Variants in EXD3 observed in about 807,000 individuals in gnomAD.
EXD3 encodes the protein exonuclease 3'-5' domain containing 3.
In EXD3, 92 loss-of-function variants were observed where a neutral mutation model predicts 98.0. The observed-to-expected ratio is 0.94, with a 90% CI of 0.79 to 1.12. The LOEUF is 1.12. Among genes scored for constraint, EXD3 ranks in the 50% most tolerant of loss-of-function variants. The pLI, the probability that EXD3 is intolerant of heterozygous loss-of-function variation, is 0.00. For synonymous variants in EXD3, 569 were observed against 526.0 expected, an observed-to-expected ratio of 1.08 and a Z score of -1.12; for missense variants, 1,222 against 1,191.6, an observed-to-expected ratio of 1.03 and a Z score of -0.38.
chr9:137,335,463 G>A (rs1409490331), intron 17 of EXD3, among the ~76,000 whole-genome samples: 1 of 152,056 alleles, frequency 6.6e-6, no homozygotes, highest in Non-Finnish European at 1.5e-5. Context: ...GGCGGATCAC[G>A]AGGTCAGGAG....
At chr9:137,331,955 C>A (rs925621440) in intron 17 of EXD3, among the ~76,000 whole-genome samples, 3 of 152,104 alleles carry the variant, frequency 2.0e-5, no homozygotes, top group East Asian at 1.9e-4. Context: ...GAAAAAAGAA[C>A]TCAATCCTTT....
At chr9:137,387,898 C>T (rs903173773) in intron 2 of EXD3, among the ~76,000 whole-genome samples, 10 of 152,192 alleles carry the variant, frequency 6.6e-5, no homozygotes, top group African/African-American at 1.4e-4. Flanking sequence ...TCCCTGAATT[C>T]GCCAAGTTCA....
In EXD3 at chr9:137,349,103, C is replaced by T. The variant is rs1340458765; in HGVS notation, c.1830+7G>A. 6.3e-7 allele frequency: 1 copy of T among 1,589,888 alleles called. No homozygotes were observed. The highest frequency in any genetic ancestry group is 8.5e-7 in the Non-Finnish European group (1 of 1,173,818). On this transcript the variant is annotated splice_region_variant and intron_variant, in intron 16 of 21. Transcript: ENST00000340951. This position sits in a 1 kb window ranked among gnomAD's most constrained non-coding sequence, Gnocchi z 7.4. ...CTGACAAACGGACCCTGCGGGGCTT[C>T]ACCCACCTGCCTGGGTGCGGCCGGT...
intron 1 of EXD3, among the ~76,000 whole-genome samples, chr9:137,401,109 A>G (rs976015596): frequency 6.7e-6 from 1 of 149,650 alleles, no homozygotes; most frequent in South Asian, 2.1e-4. Flanking sequence ...CCCACTAGGC[A>G]GTGTCCCAGT....
At chr9:137,309,524 G>A (rs1831249712) in intron 20 of EXD3, 83 bp downstream of exon 20, 1 of 1,188,192 alleles carries the variant, frequency 8.4e-7, no homozygotes, top group Non-Finnish European at 1.2e-6. Context: ...TGCTGGACGG[G>A]CCAGGCCCCT....
At chr9:137,312,646 G>C (rs921021357) in intron 19 of EXD3, among the ~76,000 whole-genome samples, 1 of 152,050 alleles carries the variant, frequency 6.6e-6, no homozygotes, top group South Asian at 2.1e-4. Flanking sequence ...CACTGCCCCA[G>C]AGCTGGCCAT....
chr9:137,364,705 T>C (rs1835133828), intron 7 of EXD3, among the ~76,000 whole-genome samples: 1 of 151,940 alleles, frequency 6.6e-6, no homozygotes, highest in Non-Finnish European at 1.5e-5. Context: ...CCGTGTATAT[T>C]TCTTTTCTTC....
In EXD3 at chr9:137,403,366, G is replaced by T. The variant is rs1837562365; in HGVS notation, c.-47-7962C>A. ...CGCACCTGCCAGCCACTGAGTTTGG[G>T]GGCACAGGCAGGGAGCTGCAGACCC... On this transcript the variant is annotated intron_variant, in intron 1 of 21. Transcript: ENST00000340951. This position sits in a 1 kb window ranked among gnomAD's most constrained non-coding sequence, Gnocchi z 6.1. Among the ~76,000 whole-genome samples, 1 of 151,994 alleles carries T rather than the reference G, an allele frequency of 6.6e-6. No individual in the cohort carries two copies.
chr9:137,354,970 C>T (rs537539771), intron 8 of EXD3, among the ~76,000 whole-genome samples, 197 bp from the exon 9 acceptor site: 1 of 152,244 alleles, frequency 6.6e-6, no homozygotes, highest in South Asian at 2.1e-4. Context: ...GTCCCGCCGG[C>T]CCCGGGGTCT....
chr9:137,392,866 G>T (rs532669023), intron 2 of EXD3: 1 of 496,386 alleles, frequency 2.0e-6, no homozygotes, highest in African/African-American at 2.0e-5. Context: ...CACCGAGGCT[G>T]TTCCAGGGAG....
chr9:137,391,331 T>A (rs944249837), intron 2 of EXD3, among the ~76,000 whole-genome samples: 6 of 152,158 alleles, frequency 3.9e-5, no homozygotes, highest in African/African-American at 1.4e-4. Context: ...GAGGAACCCG[T>A]CTGGAGCGTG....
chr9:137,377,727 G>T (rs1835987504), intron 3 of EXD3, among the ~76,000 whole-genome samples: 1 of 149,542 alleles, frequency 6.7e-6, no homozygotes, highest in Admixed American at 6.7e-5. Context: ...TGTCAAAAAA[G>T]AAAGGAAGGG....
intron 2 of EXD3, among the ~76,000 whole-genome samples, chr9:137,386,399 T>A (rs2131732285): frequency 6.6e-6 from 1 of 152,134 alleles, no homozygotes; most frequent in East Asian, 1.9e-4. Context: ...GCCCTCCTAC[T>A]CCCCAGTCAG....
chr9:137,359,164 T>C lies in EXD3; in HGVS notation c.657-2796A>G, dbSNP rs1222529182. Among the ~76,000 whole-genome samples, 5 of 82,480 alleles carry C rather than the reference T, an allele frequency of 6.1e-5. 2 individuals carry two copies. Among genetic ancestry groups the C allele is most frequent in the Non-Finnish European group, 5.9e-5 (2 of 33,868 alleles). 54.1% of individuals were successfully genotyped at this position (82,480 alleles called of 152,430 possible). ...GGTTTCACTGTGTTAGCCAGGATGG[T>C]TTCACTGTGTTAGCCAGGTTAGTCT... On this transcript the variant is annotated intron_variant, in intron 7 of 21. Coordinates refer to ENST00000340951, the MANE Select transcript of EXD3 (RefSeq NM_017820.5).
chr9:137,388,548 C>G (rs764180600), intron 2 of EXD3, among the ~76,000 whole-genome samples: 1 of 152,140 alleles, frequency 6.6e-6, no homozygotes, highest in Non-Finnish European at 1.5e-5. Context: ...ATGAGAAACA[C>G]AGGGGGCTTT....
rs754981932 is a variant in EXD3, at chr9:137,348,177, C to T, written c.1892G>A (p.Arg631His). ...CTGCAGCATGTTGTCACACACCACA[C>T]GGAAGGCCCTGGCCGGAATCTGAGG... ...AAPQIPARAF[R>H]VVCDNMLQGL... Residue 631 changes from arginine (R) to histidine (H), a missense_variant, in exon 17 of 22, where the codon CGT (arginine) becomes CAT (histidine). Physicochemically the swap from Arg to His is conservative, Grantham distance 29. Coordinates refer to ENST00000340951, the MANE Select transcript of EXD3 (RefSeq NM_017820.5). The T allele has an allele frequency of 3.6e-5, 58 of 1,612,020 alleles. No individual in the cohort carries two copies. Among genetic ancestry groups the T allele is most frequent in the African/African-American group, 3.2e-4 (24 of 74,848 alleles).
intron 5 of EXD3, 70 bp from the exon 6 acceptor site, chr9:137,368,059 C>A: frequency 7.6e-7 from 1 of 1,315,684 alleles, no homozygotes; most frequent in Non-Finnish European, 1.1e-6. Flanking sequence ...GGTGAGGGGG[C>A]TACCACCCTT....
At position 137,372,974 on chromosome 9, in the gene EXD3, C is replaced by G. The variant is rs765789477; in HGVS notation, c.393G>C (p.Leu131=). 1 of 1,604,122 alleles carries G rather than the reference C, an allele frequency of 6.2e-7. No homozygotes were observed. Among genetic ancestry groups the G allele is most frequent in the South Asian group, 1.1e-5 (1 of 91,074 alleles). ...LAAPLASIFQ[L]QDADRSCLLA... ...GCAGGCAGCTCCTGTCTGCATCCTG[C>G]AGCTGGAAGATGCTGGCCAGTGGTG... Residue 131 remains leucine, a synonymous_variant, in exon 5 of 22, where the codon CTG becomes CTC. Transcript: ENST00000340951.
chr9:137,307,311 GC>G, intron 21 of EXD3, 48 bp from the exon 22 acceptor site: 2 of 1,446,370 alleles, frequency 1.4e-6, no homozygotes, highest in African/African-American at 1.4e-5. Flanking sequence ...TTCGGGCACG[GC>G]CCCCAGGCTG....
Sources: gnomAD v4.1 joint callset for allele counts (sites outside exome capture counted in the v4.1 genomes callset) on GRCh38, gnomAD v4.1.1 for gene constraint, Gnocchi (gnomAD v3.1) non-coding constraint, MANE v1.5 for transcripts, NCBI Gene and HGNC (gene_info 2026-07-23, HGNC 2026-07-21) for gene names.